Variants in OPRM1 observed in about 807,000 individuals in gnomAD.
The protein encoded by OPRM1 is opioid receptor mu 1.
In OPRM1, 27 loss-of-function variants were observed where a neutral mutation model predicts 31.8. The observed-to-expected ratio is 0.85, with a 90% confidence interval of 0.63 to 1.17. OPRM1 has a LOEUF of 1.17. Among genes scored for constraint, OPRM1 ranks in the 50% most tolerant of loss-of-function variants. The probability of loss-of-function intolerance (pLI) is 0.00; values close to 1 mark genes in which losing one functional copy is unlikely to be tolerated. For synonymous variants in OPRM1, 196 were observed against 189.9 expected (o/e 1.03, Z -0.26); for missense variants, 536 against 511.1 (o/e 1.05, Z -0.47).
Position 154,090,179 on chromosome 6 carries a change from G to T in OPRM1, c.643+1G>T, listed in dbSNP as rs747990966. The T allele has an allele frequency of 5.6e-6, 9 of 1,598,406 alleles. No individual in the cohort carries two copies. In the African/African-American group the frequency reaches 1.2e-4, roughly 21 times the overall value. ...ATGGCTACAACAAAATACAGGCAAGGTGAGTGATGTTACCAGCCTGAGGGA... is the reference window on the plus strand; with the variant it reads ...ATGGCTACAACAAAATACAGGCAAGTTGAGTGATGTTACCAGCCTGAGGGA... On this transcript the variant is annotated splice_donor_variant, in intron 2 of 3. Transcript: ENST00000330432. LOFTEE classifies it high-confidence loss of function.
intron 3 of OPRM1, among the ~76,000 whole-genome samples, chr6:154,201,289 T>G (rs1241941074): frequency 6.6e-6 from 1 of 152,234 alleles, no homozygotes; most frequent in Admixed American, 6.5e-5. Flanking sequence ...GATTTTTATC[T>G]TTGCTACATT....
At chr6:154,066,134 T>C (rs948985032) in intron 1 of OPRM1, among the ~76,000 whole-genome samples, 2 of 152,204 alleles carry the variant, frequency 1.3e-5, no homozygotes, top group Admixed American at 6.5e-5. Context: ...GATTATAATG[T>C]ATAATCCTCT....
intron 3 of OPRM1, among the ~76,000 whole-genome samples, chr6:154,235,754 CAAG>C (rs1385783003): frequency 6.6e-6 from 1 of 152,094 alleles, no homozygotes; most frequent in Non-Finnish European, 1.5e-5. Context: ...ACATTTCTCC[CAAG>C]AAGATATGGA....
chr6:154,200,171 A>G, intron 3 of OPRM1: 1 of 780,116 alleles, frequency 1.3e-6, no homozygotes, highest in Non-Finnish European at 2.0e-6. Context: ...AAGAGTCAAA[A>G]GGTAAAGATA....
downstream of OPRM1, among the ~76,000 whole-genome samples, chr6:154,133,273 A>T (rs555078821): frequency 2.6e-5 from 4 of 152,256 alleles, no homozygotes; most frequent in Non-Finnish European, 4.4e-5. Context: ...GTATTACCAG[A>T]TGTAATTTCC....
At chr6:154,092,667 T>A (rs1050727195) in intron 3 of OPRM1, among the ~76,000 whole-genome samples, 1 of 152,156 alleles carries the variant, frequency 6.6e-6, no homozygotes, top group Non-Finnish European at 1.5e-5. Flanking sequence ...TTTACCCCAC[T>A]CTGCCATCCA....
At chr6:154,026,385 GA>G (rs1292826352) in intron 1 of OPRM1, among the ~76,000 whole-genome samples, 2 of 151,832 alleles carry the variant, frequency 1.3e-5, no homozygotes, top group African/African-American at 4.8e-5. Context: ...TGACATTTGG[GA>G]GTTTGATTAT....
chr6:154,056,358 A>T (rs1477769363), intron 1 of OPRM1, among the ~76,000 whole-genome samples: 1 of 151,770 alleles, frequency 6.6e-6, no homozygotes, highest in Non-Finnish European at 1.5e-5. Context: ...TCTTGACCTC[A>T]TAATCCGCCC....
In OPRM1 at chr6:154,039,740, T is replaced by C; in HGVS notation, c.196T>C (p.Ser66Pro). Reference sequence around the variant, plus strand: ...CCTGTGCCCTCCGACCGGCAGTCCCTCCATGATCACGGCCATCACGATCAT... The same window carrying C: ...CCTGTGCCCTCCGACCGGCAGTCCCCCCATGATCACGGCCATCACGATCAT... ...DSLCPPTGSP[S>P]MITAITIMAL... Residue 66 changes from serine to proline, a missense_variant, in exon 1 of 4, where the codon TCC (serine) becomes CCC (proline). Ser to Pro is a moderately conservative substitution (Grantham distance 74). Transcript: ENST00000330432. 1 of 1,609,146 alleles carries C rather than the reference T, an allele frequency of 6.2e-7. No individual in the cohort carries two copies. Among genetic ancestry groups the C allele is most frequent in the Non-Finnish European group, 8.5e-7 (1 of 1,179,966 alleles).
At chr6:154,162,982 T>C (rs1799146818) in intron 3 of OPRM1, among the ~76,000 whole-genome samples, 1 of 152,188 alleles carries the variant, frequency 6.6e-6, no homozygotes, top group South Asian at 2.1e-4. Context: ...TAATGGTAAC[T>C]CCGTCTTTCC....
intron 1 of OPRM1, among the ~76,000 whole-genome samples, chr6:154,019,611 G>A (rs1286287539): frequency 6.6e-6 from 1 of 151,800 alleles, no homozygotes; most frequent in Non-Finnish European, 1.5e-5. Context: ...CCAGAGTTTT[G>A]TCTTTTCCAG....
chr6:154,032,907 T>C (rs1779092108), intron 1 of OPRM1, among the ~76,000 whole-genome samples: 1 of 152,198 alleles, frequency 6.6e-6, no homozygotes, highest in Non-Finnish European at 1.5e-5. Context: ...ATGAGTTATT[T>C]AAGTGGAAAT....
intron 3 of OPRM1, among the ~76,000 whole-genome samples, chr6:154,239,980 G>C (rs538180323): frequency 6.6e-6 from 1 of 152,182 alleles, no homozygotes; most frequent in South Asian, 2.1e-4. Context: ...GGGACTACAG[G>C]CGTGAGCCAC....
chr6:154,108,122 G>A (rs1337696479), intron 3 of OPRM1: 4 of 592,304 alleles, frequency 6.8e-6, no homozygotes, highest in Admixed American at 3.0e-5. Flanking sequence ...TCCGGCTTGC[G>A]GCACCATCGC....
chr6:154,160,030 T>C (rs1798872966), intron 3 of OPRM1: 3 of 1,611,264 alleles, frequency 1.9e-6, no homozygotes, highest in East Asian at 2.2e-5. Flanking sequence ...GGCCAGATCA[T>C]GTTCTTTACA....
intron 3 of OPRM1, among the ~76,000 whole-genome samples, chr6:154,161,716 T>C (rs1799033990): frequency 6.6e-6 from 1 of 152,172 alleles, no homozygotes; most frequent in Admixed American, 6.5e-5. Context: ...TTAAAGAAGA[T>C]GACAAGAAAC....
chr6:154,246,729 C>G (rs34427887), exon 4 of OPRM1: 94 of 1,613,814 alleles, frequency 5.8e-5, no homozygotes, highest in Non-Finnish European at 6.4e-5. Context: ...GATCTTTACA[C>G]GATATCCTCC....
intron 3 of OPRM1, among the ~76,000 whole-genome samples, chr6:154,179,862 C>G (rs1800680678): frequency 6.6e-6 from 1 of 152,166 alleles, no homozygotes; most frequent in African/African-American, 2.4e-5. Context: ...AGGCACTCAC[C>G]TAGGAACCTT....
In OPRM1 at chr6:154,093,386, G is replaced by A. The variant is rs201738067; in HGVS notation, c.1164+1914G>A. 64 of 1,613,902 alleles carry A rather than the reference G, an allele frequency of 4.0e-5. 1 individual carries two copies. Among genetic ancestry groups the A allele is most frequent in the South Asian group, 4.0e-4 (36 of 91,062 alleles). On this transcript the variant is annotated intron_variant, in intron 3 of 3. Coordinates refer to ENST00000330432, the MANE Select transcript of OPRM1 (RefSeq NM_000914.5). Reference sequence around the variant, plus strand: ...ATGACCTCCCAGCTATCCTTCACTCGTCCTGCCTTCGTGGAAATACTGCTC... The same window carrying A: ...ATGACCTCCCAGCTATCCTTCACTCATCCTGCCTTCGTGGAAATACTGCTC...
Sources: gnomAD v4.1 joint callset for allele counts (sites outside exome capture counted in the v4.1 genomes callset) on GRCh38, gnomAD v4.1.1 for gene constraint, MANE v1.5 for transcripts, NCBI Gene and HGNC (gene_info 2026-07-23, HGNC 2026-07-21) for gene names.